KCNK9: variants seen among roughly 807,000 people sequenced by gnomAD.
KCNK9 encodes potassium channel subfamily K member 9.
KCNK9 carries 1 observed loss-of-function variant against 10.8 expected under a neutral mutation model. The ratio of observed to expected loss-of-function variants is 0.09; its 90% CI spans 0.03 to 0.44. The LOEUF (loss-of-function observed/expected upper bound fraction) is 0.44. Among genes scored for constraint, KCNK9 ranks in the 20% least tolerant of loss-of-function variants. KCNK9 has a pLI of 0.97. For missense variants in KCNK9, 303 were observed against 515.0 expected, an observed-to-expected ratio of 0.59 and a Z score of 3.98; for synonymous variants, 231 against 222.7, an observed-to-expected ratio of 1.04 and a Z score of -0.33.
chr8:139,660,264 G>A (rs984377365), intron 1 of KCNK9, among the ~76,000 whole-genome samples: 8 of 152,112 alleles, frequency 5.3e-5, no homozygotes, highest in African/African-American at 7.2e-5. Flanking sequence ...ATAACAGCCC[G>A]CGATGAAGAC....
chr8:139,610,720 A>G (rs182931235), downstream of KCNK9, among the ~76,000 whole-genome samples: 269 of 152,286 alleles, frequency 1.8e-3, no homozygotes, highest in African/African-American at 6.1e-3. Context: ...AAAGCCTGAG[A>G]CTCGGGCTAG....
intron 1 of KCNK9, among the ~76,000 whole-genome samples, chr8:139,656,167 T>C (rs1420163723): frequency 6.6e-6 from 1 of 152,022 alleles, no homozygotes; most frequent in Non-Finnish European, 1.5e-5. Context: ...TGCAGGTAAA[T>C]ATACCCCACC....
intron 1 of KCNK9, among the ~76,000 whole-genome samples, chr8:139,680,094 G>A (rs185635511): frequency 5.9e-5 from 9 of 152,208 alleles, no homozygotes; most frequent in South Asian, 2.1e-4. Context: ...TCATACCTAC[G>A]GGGACTCAGG....
chr8:139,606,113 A>C (rs776611338), intron 2 of KCNK9, among the ~76,000 whole-genome samples: 1 of 152,214 alleles, frequency 6.6e-6, no homozygotes, highest in African/African-American at 2.4e-5. Flanking sequence ...TGACACCTTG[A>C]CCACAATGGG....
chr8:139,609,106 A>ACCCCACCCCC (rs1554617327), downstream of KCNK9, among the ~76,000 whole-genome samples: 4 of 123,850 alleles, frequency 3.2e-5, no homozygotes, highest in African/African-American at 9.6e-5. Flanking sequence ...GACCCATCCC[A>ACCCCACCCCC]CCCCACCCCG....
chr8:139,609,824 A>G (rs1224075451), downstream of KCNK9, among the ~76,000 whole-genome samples: 1 of 152,142 alleles, frequency 6.6e-6, no homozygotes, highest in African/African-American at 2.4e-5. Context: ...AGCTGAAGTC[A>G]GCTCAGCCAG....
At chr8:139,699,698 C>G (rs905136404) in intron 1 of KCNK9, among the ~76,000 whole-genome samples, 1 of 152,210 alleles carries the variant, frequency 6.6e-6, no homozygotes, top group Non-Finnish European at 1.5e-5. Flanking sequence ...CCCGGGATCC[C>G]CAGAGAGCTG....
chr8:139,632,821 G>A (rs902944753), intron 1 of KCNK9, among the ~76,000 whole-genome samples: 4 of 152,164 alleles, frequency 2.6e-5, no homozygotes, highest in African/African-American at 2.4e-5. Flanking sequence ...AAAGTAACCC[G>A]TGATGCATGA....
At chr8:139,653,554 T>C (rs903153838) in intron 1 of KCNK9, among the ~76,000 whole-genome samples, 1 of 145,420 alleles carries the variant, frequency 6.9e-6, no homozygotes, top group Non-Finnish European at 1.5e-5. Context: ...AGCTCTGGAG[T>C]GTGGCTGAGA....
At chr8:139,605,777 C>A (rs1159036163) in intron 2 of KCNK9, among the ~76,000 whole-genome samples, 5 of 152,114 alleles carry the variant, frequency 3.3e-5, no homozygotes, top group African/African-American at 2.4e-5. Flanking sequence ...AAGATGCAAA[C>A]CCTTGTGTAA....
chr8:139,648,709 G>A (rs1815765260), intron 1 of KCNK9, among the ~76,000 whole-genome samples: 3 of 152,242 alleles, frequency 2.0e-5, no homozygotes, highest in Admixed American at 2.0e-4. Flanking sequence ...GATGGGTAAG[G>A]ACGCGGCCCC....
chr8:139,603,616 G>C (rs1347343334), intron 2 of KCNK9, among the ~76,000 whole-genome samples: 1 of 152,218 alleles, frequency 6.6e-6, no homozygotes. Context: ...ATACGGCCAG[G>C]ACTGTCCACC....
intron 1 of KCNK9, among the ~76,000 whole-genome samples, chr8:139,649,751 A>G (rs1052135878): frequency 1.3e-5 from 2 of 152,234 alleles, no homozygotes; most frequent in Non-Finnish European, 2.9e-5. Flanking sequence ...CTGGGGGGAA[A>G]AAAATTGCTT....
chr8:139,610,813 C>CT (rs1470849585), downstream of KCNK9, among the ~76,000 whole-genome samples: 3 of 152,206 alleles, frequency 2.0e-5, no homozygotes, highest in Non-Finnish European at 2.9e-5. Flanking sequence ...AGAAGAGTGG[C>CT]TTGAATGACT....
At chr8:139,641,120 T>C (rs1427163612) in intron 1 of KCNK9, among the ~76,000 whole-genome samples, 1 of 152,206 alleles carries the variant, frequency 6.6e-6, no homozygotes, top group East Asian at 1.9e-4. Flanking sequence ...TCTCCATCCC[T>C]GAGGCTCTGA....
At chr8:139,631,281 A>G (rs1815163921) in intron 1 of KCNK9, among the ~76,000 whole-genome samples, 1 of 152,250 alleles carries the variant, frequency 6.6e-6, no homozygotes, top group South Asian at 2.1e-4. Context: ...ACTACCAGAT[A>G]CTGTGGGCTG....
At chr8:139,640,270 T>TG (rs2129643443) in intron 1 of KCNK9, among the ~76,000 whole-genome samples, 1 of 152,304 alleles carries the variant, frequency 6.6e-6, no homozygotes, top group South Asian at 2.1e-4. Flanking sequence ...CGGCAGGGCT[T>TG]GTGACTAGAA....
chr8:139,609,229 G>A (rs1318603259), downstream of KCNK9, among the ~76,000 whole-genome samples: 1 of 134,914 alleles, frequency 7.4e-6, no homozygotes, highest in African/African-American at 2.8e-5. Context: ...TGCCAAATGG[G>A]GGTGCTCTGC....
chr8:139,677,662 T>C (rs1816581823), intron 1 of KCNK9, among the ~76,000 whole-genome samples: 1 of 150,132 alleles, frequency 6.7e-6, no homozygotes, highest in South Asian at 2.1e-4. Flanking sequence ...GGCTGCAGAG[T>C]AATACCTCGA....
Sources: gnomAD v4.1 joint callset for allele counts (sites outside exome capture counted in the v4.1 genomes callset) on GRCh38, gnomAD v4.1.1 for gene constraint, MANE v1.5 for transcripts, NCBI Gene and HGNC (gene_info 2026-07-23, HGNC 2026-07-21) for gene names.